Variants in MORN1 observed in about 807,000 individuals in gnomAD.
The protein encoded by MORN1 is MORN repeat containing 1, also known as MORN repeat-containing protein 1.
MORN1 carries 67 observed loss-of-function variants against 61.9 expected under a neutral mutation model. The observed-to-expected ratio is 1.08, with a 90% CI of 0.89 to 1.33. The LOEUF (loss-of-function observed/expected upper bound fraction) is 1.33, where lower values mean the gene tolerates loss of function less well. Ranked by LOEUF, MORN1 falls within the 40% of genes most tolerant of loss-of-function variation. The probability of loss-of-function intolerance (pLI) is 0.00; values close to 1 mark genes in which losing one functional copy is unlikely to be tolerated. For synonymous variants in MORN1, 301 were observed against 292.0 expected (o/e 1.03, Z -0.31); for missense variants, 752 against 691.2 (o/e 1.09, Z -0.99).
chr1:2,352,002 C>T (rs572904723), intron 10 of MORN1: 2 of 516,546 alleles, frequency 3.9e-6, no homozygotes, highest in East Asian at 4.7e-5. Flanking sequence ...AATGAGACCC[C>T]CTCCACCAGG....
In MORN1 at chr1:2,358,667, T is replaced by G. The variant is rs1163053379; in HGVS notation, c.794A>C (p.Gln265Pro). 9.9e-6 allele frequency: 16 copies of G among 1,613,852 alleles called. No individual in the cohort carries two copies. The highest frequency in any genetic ancestry group is 1.4e-5 in the Non-Finnish European group (16 of 1,179,976). The change falls in exon 9 of 14, where the codon CAG (glutamine) becomes CCG (proline). Residue 265 changes from glutamine to proline, a missense_variant. Physicochemically the swap from Gln to Pro is moderately conservative, Grantham distance 76. Transcript: ENST00000378531. ...LQISAGVRYV[Q>P]LSAYSEVNFF... is the part of the protein sequence containing the mutation. The stretch of plus-strand genomic sequence containing the variant: ...GTTGACCTCAGAGTAGGCTGACAGC[T>G]GCACGTATCTGACGCCCGCTGAGAT...
chr1:2,383,530 A>T (rs891963565), intron 6 of MORN1, among the ~76,000 whole-genome samples: 3 of 152,206 alleles, frequency 2.0e-5, no homozygotes, highest in Admixed American at 6.5e-5. Context: ...AAGGGAATTC[A>T]ACTGACATTG....
intron 10 of MORN1, among the ~76,000 whole-genome samples, chr1:2,338,982 G>A (rs956378919): frequency 8.5e-5 from 13 of 152,184 alleles, no homozygotes; most frequent in African/African-American, 3.1e-4. Context: ...GAAGAGGACA[G>A]AGGACACCAG....
chr1:2,382,149 A>C (rs1184254118), intron 6 of MORN1, among the ~76,000 whole-genome samples: 1 of 152,180 alleles, frequency 6.6e-6, no homozygotes, highest in Non-Finnish European at 1.5e-5. Flanking sequence ...GGTCCTCTGG[A>C]AGAACAGGAG....
chr1:2,350,265 AATC>A (rs2100287830), intron 10 of MORN1: 1 of 152,382 alleles, frequency 6.6e-6, no homozygotes, highest in East Asian at 1.9e-4. Context: ...ATGTCTTGGA[AATC>A]ATCTTTTCTT....
intron 12 of MORN1, among the ~76,000 whole-genome samples, chr1:2,330,142 G>A (rs902099157): frequency 2.0e-5 from 3 of 152,252 alleles, no homozygotes; most frequent in Non-Finnish European, 4.4e-5. Context: ...CCCCACCTGG[G>A]CTGCGAGTCA....
chr1:2,321,643 C>T (rs1640884041), intron 13 of MORN1, 64 bp from the exon 14 acceptor site: 1 of 1,422,796 alleles, frequency 7.0e-7, no homozygotes, highest in East Asian at 2.8e-5. Context: ...TGGCCTCAGC[C>T]CACTGCCCAC....
intron 13 of MORN1, chr1:2,323,530 C>T (rs1406235693): frequency 1.4e-5 from 14 of 985,226 alleles, no homozygotes; most frequent in African/African-American, 3.5e-5. Flanking sequence ...GGCATTCGGC[C>T]CCTCTGGCTT....
At position 2,358,629 on chromosome 1, in the gene MORN1, C is replaced by A; in HGVS notation, c.832G>T (p.Asp278Tyr). ...AYSEVNFFKV[D>Y]RDNQETLIQT... Reference sequence around the variant, plus strand: ...ATGAGTGTCTCTTGGTTGTCTCTGTCCACTTTGAAAAAGTTGACCTCAGAG... The same window carrying A: ...ATGAGTGTCTCTTGGTTGTCTCTGTACACTTTGAAAAAGTTGACCTCAGAG... Residue 278 changes from aspartate to tyrosine, a missense_variant, in exon 9 of 14, where the codon GAC becomes TAC. Coordinates refer to ENST00000378531, the MANE Select transcript of MORN1 (RefSeq NM_024848.3). The A allele has an allele frequency of 6.2e-7, 1 of 1,614,138 alleles. No homozygotes were observed.
chr1:2,360,466 C>T (rs945861011), intron 8 of MORN1, among the ~76,000 whole-genome samples: 1 of 152,178 alleles, frequency 6.6e-6, no homozygotes, highest in Non-Finnish European at 1.5e-5. Flanking sequence ...CTGGCTGCTG[C>T]CTTAAAAGAA....
In MORN1 at chr1:2,321,394, C is replaced by T. The variant is rs1467244835; in HGVS notation, c.1483G>A (p.Ala495Thr). 6.5e-7 allele frequency: 1 copy of T among 1,527,588 alleles called. No individual in the cohort carries two copies. The highest frequency in any genetic ancestry group is 1.2e-5 in the South Asian group (1 of 82,250). The allele number at this position is 1,527,588 out of a possible 1,614,324, so 94.6% of individuals were successfully genotyped here. ...AAHSCTPEPP[A>T]PR is the part of the protein sequence containing the mutation. ...GTGGACACGGGGCCTCACCGAGGCG[C>T]TGGCGGCTCTGGGGTGCAGCTGTGG... The change falls in exon 14 of 14, where the codon GCG becomes ACG. Residue 495 changes from alanine to threonine, a missense_variant. By Grantham distance (58) the Ala-to-Thr change is moderately conservative. Transcript: ENST00000378531.
chr1:2,387,858 C>T (rs1557895897), intron 3 of MORN1: 1 of 429,778 alleles, frequency 2.3e-6, no homozygotes, highest in Admixed American at 3.7e-5. Context: ...TGAGAGAAAA[C>T]ACCTCCACTG....
chr1:2,336,412 A>G, intron 12 of MORN1, 57 bp downstream of exon 12: 1 of 1,542,572 alleles, frequency 6.5e-7, no homozygotes, highest in Non-Finnish European at 8.9e-7. Flanking sequence ...GGCCCAGCTG[A>G]TGAGGAGGCC....
chr1:2,374,950 G>A (rs112700698), intron 6 of MORN1: 274 of 190,126 alleles, frequency 1.4e-3, no homozygotes, highest in African/African-American at 6.0e-3. Flanking sequence ...CGACTGTGGC[G>A]TTGGGATTAA....
chr1:2,324,494 G>A (rs1185879293), intron 12 of MORN1, among the ~76,000 whole-genome samples: 1 of 152,226 alleles, frequency 6.6e-6, no homozygotes, highest in South Asian at 2.1e-4. Flanking sequence ...CCCGGAGGGC[G>A]GGAAAGACCC....
chr1:2,364,073 A>G (rs989300985), intron 8 of MORN1, among the ~76,000 whole-genome samples: 1 of 152,178 alleles, frequency 6.6e-6, no homozygotes, highest in African/African-American at 2.4e-5. Context: ...TACACTTTAA[A>G]AACATAGGCA....
At chr1:2,359,763 C>A (rs1255969152) in intron 8 of MORN1, among the ~76,000 whole-genome samples, 1 of 152,042 alleles carries the variant, frequency 6.6e-6, no homozygotes, top group Non-Finnish European at 1.5e-5. Context: ...CACCTGCAAT[C>A]ATCCCAGCTC....
Position 2,367,785 on chromosome 1 carries a change from GC to G in MORN1, c.745+4695del, listed in dbSNP as rs532807812. ...TGGGACTACAGGCACCCGCCACTAT[GC>G]CCAGCTAGTTTTCGTATTTTTTAGT... On this transcript the variant is annotated intron_variant, in intron 8 of 13. Coordinates refer to ENST00000378531, the MANE Select transcript of MORN1 (RefSeq NM_024848.3). Among the ~76,000 whole-genome samples the G allele has an allele frequency of 5.9e-5, 9 of 152,188 alleles. No homozygotes were observed. In the South Asian group the frequency reaches 1.9e-3, roughly 32 times the overall value.
chr1:2,382,172 C>T (rs189829695), intron 6 of MORN1, among the ~76,000 whole-genome samples: 96 of 152,300 alleles, frequency 6.3e-4, no homozygotes, highest in African/African-American at 2.3e-3. Flanking sequence ...GCTTCTCGCC[C>T]GGCCCAGGCC....
Sources: gnomAD v4.1 joint callset for allele counts (sites outside exome capture counted in the v4.1 genomes callset) on GRCh38, gnomAD v4.1.1 for gene constraint, MANE v1.5 for transcripts, NCBI Gene and HGNC (gene_info 2026-07-23, HGNC 2026-07-21) for gene names.